PPP2R2B: variants seen among roughly 807,000 people sequenced by gnomAD.
PPP2R2B encodes serine/threonine-protein phosphatase 2A 55 kDa regulatory subunit B beta isoform.
A neutral mutation model predicts 46.0 loss-of-function variants in PPP2R2B; 5 were observed. That is an observed-to-expected ratio of 0.11 (90% confidence interval 0.06 to 0.23). The LOEUF (loss-of-function observed/expected upper bound fraction) is 0.23, where lower values mean the gene tolerates loss of function less well. Among genes scored for constraint, PPP2R2B ranks in the 10% least tolerant of loss-of-function variants. The probability of loss-of-function intolerance (pLI) is 1.00; values close to 1 mark genes in which losing one functional copy is unlikely to be tolerated. For synonymous variants in PPP2R2B, 215 were observed against 206.7 expected (o/e 1.04, Z -0.34); for missense variants, 367 against 575.0 (o/e 0.64, Z 3.70).
chr5:146,655,967 GGA>G (rs1299418653), intron 5 of PPP2R2B, among the ~76,000 whole-genome samples: 2 of 152,120 alleles, frequency 1.3e-5, no homozygotes, highest in Admixed American at 1.3e-4. Context: ...CAAACTCAGA[GGA>G]GAGACAGCAA....
At chr5:147,058,780 T>G (rs1757169735), upstream of PPP2R2B, among the ~76,000 whole-genome samples, 1 of 152,190 alleles carries the variant, frequency 6.6e-6, no homozygotes. Flanking sequence ...TTCAGTGTGC[T>G]TCTTGTCTCT....
At chr5:146,787,870 T>C (rs571948527) in intron 2 of PPP2R2B, among the ~76,000 whole-genome samples, 4 of 152,094 alleles carry the variant, frequency 2.6e-5, no homozygotes, top group Non-Finnish European at 4.4e-5. Context: ...GTCCAGCCTA[T>C]TCTTTCTTTC....
At chr5:146,693,230 A>G (rs1293997914) in intron 4 of PPP2R2B, among the ~76,000 whole-genome samples, 2 of 144,996 alleles carry the variant, frequency 1.4e-5, no homozygotes, top group African/African-American at 5.2e-5. Context: ...CTTTTTTTAA[A>G]TTGAGATAGA....
chr5:147,040,628 T>G, intron 1 of PPP2R2B: 1 of 367,902 alleles, frequency 2.7e-6, no homozygotes, highest in Non-Finnish European at 5.4e-6. Flanking sequence ...TAGTGATGCT[T>G]CAGGGGCTCA....
chr5:146,979,627 C>A (rs901923280), intron 1 of PPP2R2B, among the ~76,000 whole-genome samples: 1 of 151,570 alleles, frequency 6.6e-6, no homozygotes, highest in East Asian at 1.9e-4. Flanking sequence ...ACAGGGGATA[C>A]GTTCCAAGAC....
chr5:147,015,107 T>C (rs963980640), intron 1 of PPP2R2B, among the ~76,000 whole-genome samples: 2 of 152,044 alleles, frequency 1.3e-5, no homozygotes, highest in Non-Finnish European at 2.9e-5. Flanking sequence ...AGGGCAGGGA[T>C]TTTTGTTGTT....
intron 2 of PPP2R2B, among the ~76,000 whole-genome samples, chr5:146,776,293 A>T (rs924553492): frequency 6.6e-6 from 1 of 152,140 alleles, no homozygotes; most frequent in Non-Finnish European, 1.5e-5. Context: ...TGGTACAGGG[A>T]TAACAACGGT....
At chr5:146,979,882 G>T (rs1753087629) in intron 1 of PPP2R2B, among the ~76,000 whole-genome samples, 1 of 152,152 alleles carries the variant, frequency 6.6e-6, no homozygotes, top group East Asian at 1.9e-4. Context: ...ATTTCTCATT[G>T]CAATTGACCA....
chr5:146,601,278 T>G (rs1771758988), intron 7 of PPP2R2B, among the ~76,000 whole-genome samples: 1 of 152,194 alleles, frequency 6.6e-6, no homozygotes, highest in Admixed American at 6.5e-5. Flanking sequence ...TATGTTTTCA[T>G]TTCTCTTGTT....
In PPP2R2B at chr5:146,590,186, A is replaced by T; in HGVS notation, c.1093T>A (p.Phe365Ile). ...ACATCACGCTTGGTGTTTCTGTCGA[A>T]CATCCTGAAGAAGTTGTTGTAGGAG... ...TGSYNNFFRM[F>I]DRNTKRDVTL... Residue 365 changes from phenylalanine to isoleucine, a missense_variant, in exon 10 of 10, where the codon TTC becomes ATC. This residue lies in a region of PPP2R2B where 361 missense variants were observed against 545.5 expected (regional missense o/e 0.66). Coordinates refer to ENST00000394411, the MANE Select transcript of PPP2R2B (RefSeq NM_181675.4). 6.2e-7 allele frequency: 1 copy of T among 1,613,742 alleles called. No individual in the cohort carries two copies. The highest frequency in any genetic ancestry group is 8.5e-7 in the Non-Finnish European group (1 of 1,180,002).
intron 2 of PPP2R2B, among the ~76,000 whole-genome samples, chr5:146,724,931 G>A (rs1751762832): frequency 6.6e-6 from 1 of 152,058 alleles, no homozygotes; most frequent in African/African-American, 2.4e-5. Flanking sequence ...CCGCTCAATA[G>A]GGTTTTGACA....
chr5:146,705,333 A>C (rs1346818535), intron 2 of PPP2R2B, among the ~76,000 whole-genome samples: 1 of 152,144 alleles, frequency 6.6e-6, no homozygotes, highest in Non-Finnish European at 1.5e-5. Context: ...CAGAAAATAT[A>C]TTTCATAGTG....
At chr5:146,856,400 T>C (rs975163062) in intron 2 of PPP2R2B, 1 of 877,914 alleles carries the variant, frequency 1.1e-6, no homozygotes, top group Non-Finnish European at 1.8e-6. Flanking sequence ...GTAAATTAAC[T>C]TGTGTCCCAC....
chr5:146,784,196 C>T (rs950948904), intron 2 of PPP2R2B, among the ~76,000 whole-genome samples: 10 of 152,154 alleles, frequency 6.6e-5, no homozygotes, highest in Non-Finnish European at 1.3e-4. Flanking sequence ...CTGTAAATAG[C>T]ATGCATGATA....
At chr5:146,893,960 T>A (rs1193101911) in intron 1 of PPP2R2B, among the ~76,000 whole-genome samples, 1 of 151,242 alleles carries the variant, frequency 6.6e-6, no homozygotes, top group African/African-American at 2.4e-5. Context: ...GCATGAGAAT[T>A]GCTTGAACCC....
intron 2 of PPP2R2B, among the ~76,000 whole-genome samples, chr5:146,778,830 C>A (rs1755337761): frequency 6.6e-5 from 10 of 152,234 alleles, no homozygotes; most frequent in Admixed American, 6.5e-4. Context: ...GCTTTATATT[C>A]TCTACCTGCT....
chr5:147,067,708 T>C (rs535716331), intron 2 of PPP2R2B, among the ~76,000 whole-genome samples: 1 of 152,322 alleles, frequency 6.6e-6, no homozygotes, highest in Admixed American at 6.5e-5. Context: ...AAAAAAGATC[T>C]CCCAGTTTCC....
intron 8 of PPP2R2B, among the ~76,000 whole-genome samples, chr5:146,596,573 G>A (rs930166010): frequency 7.9e-5 from 12 of 152,134 alleles, no homozygotes; most frequent in African/African-American, 1.2e-4. Context: ...TCCTAGTTAA[G>A]GCTCCCCAGC....
chr5:146,730,834 A>T (rs1714326115), intron 2 of PPP2R2B, among the ~76,000 whole-genome samples: 1 of 152,198 alleles, frequency 6.6e-6, no homozygotes, highest in South Asian at 2.1e-4. Flanking sequence ...ATGGACTAAT[A>T]CAGGGAAATT....
Sources: gnomAD v4.1 joint callset for allele counts (sites outside exome capture counted in the v4.1 genomes callset) on GRCh38, gnomAD v4.1.1 for gene constraint, gnomAD v4.1.1 regional missense constraint, MANE v1.5 for transcripts, NCBI Gene and HGNC (gene_info 2026-07-23, HGNC 2026-07-21) for gene names.